The following SLC22A16 variants were observed in gnomAD, a reference collection of about 807,000 sequenced individuals.
The protein encoded by SLC22A16 is WUGSC:RG331P03.1.
In SLC22A16, 53 loss-of-function variants were observed where a neutral mutation model predicts 52.9. The ratio of observed to expected loss-of-function variants is 1.00; its 90% CI spans 0.80 to 1.26. The LOEUF (loss-of-function observed/expected upper bound fraction) is 1.26. Ranked by LOEUF, SLC22A16 falls within the 50% of genes most tolerant of loss-of-function variation. The pLI is 0.00. For synonymous variants in SLC22A16, 291 were observed against 268.8 expected, an observed-to-expected ratio of 1.08 and a Z score of -0.81; for missense variants, 726 against 704.0, an observed-to-expected ratio of 1.03 and a Z score of -0.35.
chr6:110,447,286 CT>C (rs1775214964), intron 2 of SLC22A16, among the ~76,000 whole-genome samples: 2 of 152,094 alleles, frequency 1.3e-5, no homozygotes, highest in Admixed American at 1.3e-4. Flanking sequence ...AATTTGTCCT[CT>C]CCCTTTCAGG....
At chr6:110,472,079 T>G (rs77185349) in intron 1 of SLC22A16, among the ~76,000 whole-genome samples, 2 of 152,150 alleles carry the variant, frequency 1.3e-5, no homozygotes, top group Admixed American at 1.3e-4. Context: ...GAACTCAAGG[T>G]AAACCAATCT....
At chr6:110,468,986 C>G (rs1215813213) in intron 1 of SLC22A16, among the ~76,000 whole-genome samples, 1 of 152,122 alleles carries the variant, frequency 6.6e-6, no homozygotes, top group Non-Finnish European at 1.5e-5. Context: ...GCAGGCTTGT[C>G]CATTCAGAAG....
chr6:110,456,512 C>A lies in SLC22A16; in HGVS notation c.533+26G>T, dbSNP rs753551777. 27 of 1,610,668 alleles carry A rather than the reference C, an allele frequency of 1.7e-5. No individual in the cohort carries two copies. In the Middle Eastern group the frequency reaches 5.0e-4, roughly 30 times the overall value. On this transcript the variant is annotated intron_variant, in intron 2 of 7. Coordinates refer to ENST00000368919, the MANE Select transcript of SLC22A16 (RefSeq NM_033125.4). Reference sequence around the variant, plus strand: ...TAGGAAAATAAACCCTACACTGATACAACAATCCTAAATATTTGATTTTAC... The same window carrying A: ...TAGGAAAATAAACCCTACACTGATAAAACAATCCTAAATATTTGATTTTAC...
chr6:110,430,883 T>A (rs963399599), intron 7 of SLC22A16, among the ~76,000 whole-genome samples: 1 of 152,156 alleles, frequency 6.6e-6, no homozygotes, highest in Non-Finnish European at 1.5e-5. Context: ...ACCAGAGCTC[T>A]CCCTTCCCCA....
At chr6:110,444,779 G>A (rs868563344) in intron 3 of SLC22A16, among the ~76,000 whole-genome samples, 5 of 152,162 alleles carry the variant, frequency 3.3e-5, no homozygotes, top group Non-Finnish European at 7.4e-5. Flanking sequence ...CTTTGTAATG[G>A]CAAGACTCAG....
chr6:110,457,554 A>G (rs1775711720), intron 1 of SLC22A16, among the ~76,000 whole-genome samples: 1 of 152,240 alleles, frequency 6.6e-6, no homozygotes, highest in Non-Finnish European at 1.5e-5. Flanking sequence ...TGCTAGATAT[A>G]TATAGATCAT....
At chr6:110,444,313 T>G (rs919433189) in intron 3 of SLC22A16, among the ~76,000 whole-genome samples, 2 of 152,156 alleles carry the variant, frequency 1.3e-5, no homozygotes, top group African/African-American at 4.8e-5. Context: ...TTCTACAAAA[T>G]TTTTTCATAT....
intron 4 of SLC22A16, among the ~76,000 whole-genome samples, chr6:110,439,097 C>T (rs1411474666): frequency 6.6e-6 from 1 of 152,198 alleles, no homozygotes; most frequent in Non-Finnish European, 1.5e-5. Context: ...TGGCACAAAG[C>T]CAGAGCCCAA....
chr6:110,451,519 A>G (rs1207464044), intron 2 of SLC22A16, among the ~76,000 whole-genome samples: 1 of 152,208 alleles, frequency 6.6e-6, no homozygotes, highest in African/African-American at 2.4e-5. Flanking sequence ...TGGTGTGATT[A>G]TATGTCACTG....
chr6:110,447,641 G>T (rs1688975808), intron 2 of SLC22A16, among the ~76,000 whole-genome samples: 1 of 152,078 alleles, frequency 6.6e-6, no homozygotes, highest in South Asian at 2.1e-4. Context: ...GAAACTCTGT[G>T]CCCAGAAGCT....
intron 3 of SLC22A16, among the ~76,000 whole-genome samples, chr6:110,445,791 G>T (rs985410654): frequency 6.6e-6 from 1 of 152,076 alleles, no homozygotes; most frequent in Admixed American, 6.6e-5. Flanking sequence ...CCACCAGAAG[G>T]TTTCTCTCGT....
intron 3 of SLC22A16, among the ~76,000 whole-genome samples, chr6:110,443,889 G>A (rs151098476): frequency 1.3e-5 from 2 of 152,282 alleles, no homozygotes; most frequent in Admixed American, 6.5e-5. Context: ...ATATGATTCC[G>A]CTTTCATGAG....
In SLC22A16 at chr6:110,442,785, A is replaced by T; in HGVS notation, c.652-10T>A. On this transcript the variant is annotated splice_polypyrimidine_tract_variant and intron_variant, in intron 3 of 7. Coordinates refer to ENST00000368919, the MANE Select transcript of SLC22A16 (RefSeq NM_033125.4). ...GATAGCCACTTGCAACCTGAAAAAC[A>T]AATAATAGGGATTTATATTCAAGGT... 1 of 1,608,010 alleles carries T rather than the reference A, an allele frequency of 6.2e-7. No individual in the cohort carries two copies. The highest frequency in any genetic ancestry group is 8.5e-7 in the Non-Finnish European group (1 of 1,177,328).
chr6:110,426,480 C>T (rs1774259849), intron 7 of SLC22A16, among the ~76,000 whole-genome samples: 2 of 152,198 alleles, frequency 1.3e-5, no homozygotes, highest in East Asian at 3.9e-4. Context: ...ATAAGTCCCC[C>T]CTTTCCCACC....
At chr6:110,433,958 G>T (rs1295355462) in intron 6 of SLC22A16, among the ~76,000 whole-genome samples, 1 of 152,086 alleles carries the variant, frequency 6.6e-6, no homozygotes, top group South Asian at 2.1e-4. Context: ...AAAGTCTGAC[G>T]GGCCGGACGC....
chr6:110,454,932 AAT>A (rs1192374379), intron 2 of SLC22A16, among the ~76,000 whole-genome samples: 4 of 92,120 alleles, frequency 4.3e-5, no homozygotes, highest in Admixed American at 1.9e-4. Context: ...TATATATTAT[AAT>A]ATATATAATA....
intron 3 of SLC22A16, among the ~76,000 whole-genome samples, chr6:110,444,337 C>T (rs1775086640): frequency 6.6e-6 from 1 of 152,070 alleles, no homozygotes; most frequent in Non-Finnish European, 1.5e-5. Context: ...ACTTCTACAA[C>T]ACAAATCATA....
At position 110,438,819 on chromosome 6, in the gene SLC22A16, G is replaced by C. The variant is rs555896287; in HGVS notation, c.1212C>G (p.Phe404Leu). ...LGVVEIPAYTFVCIAMDKVGR... is the reference protein window; with the variant it reads ...LGVVEIPAYTLVCIAMDKVGR... The stretch of plus-strand genomic sequence containing the variant: ...CGACCTTGTCCATGGCGATGCACAC[G>C]AAGGTGTAGGCGGGAATTTCCACTA... Residue 404 changes from phenylalanine to leucine, a missense_variant, in exon 5 of 8, where the codon TTC becomes TTG. Physicochemically the swap from Phe to Leu is conservative, Grantham distance 22. Coordinates refer to ENST00000368919, the MANE Select transcript of SLC22A16 (RefSeq NM_033125.4). The C allele has an allele frequency of 6.2e-7, 1 of 1,614,092 alleles. No individual in the cohort carries two copies. Among genetic ancestry groups the C allele is most frequent in the Admixed American group, 1.7e-5 (1 of 60,024 alleles).
intron 3 of SLC22A16, among the ~76,000 whole-genome samples, chr6:110,444,372 G>A (rs945005055): frequency 3.3e-5 from 5 of 151,948 alleles, no homozygotes; most frequent in East Asian, 3.9e-4. Context: ...AAAATTATTC[G>A]AGAGCACCAC....
Sources: gnomAD v4.1 joint callset for allele counts (sites outside exome capture counted in the v4.1 genomes callset) on GRCh38, gnomAD v4.1.1 for gene constraint, MANE v1.5 for transcripts, NCBI Gene and HGNC (gene_info 2026-07-23, HGNC 2026-07-21) for gene names.